CACNA2D1: variants seen among roughly 807,000 people sequenced by gnomAD.
CACNA2D1 encodes the protein calcium voltage-gated channel auxiliary subunit alpha2delta 1.
CACNA2D1 carries 53 observed loss-of-function variants against 171.5 expected under a neutral mutation model. The ratio of observed to expected loss-of-function variants is 0.31; its 90% CI spans 0.25 to 0.39. The LOEUF (loss-of-function observed/expected upper bound fraction) is 0.39. Ranked by LOEUF, CACNA2D1 falls within the 10% of genes least tolerant of loss-of-function variation. The probability of loss-of-function intolerance (pLI) is 1.00; values close to 1 mark genes in which losing one functional copy is unlikely to be tolerated. For synonymous variants in CACNA2D1, 442 were observed against 443.1 expected, an observed-to-expected ratio of 1.00 and a Z score of 0.03; for missense variants, 903 against 1,299.8, an observed-to-expected ratio of 0.69 and a Z score of 4.69.
At chr7:82,243,601 TTA>T (rs1212077380) in intron 3 of CACNA2D1, among the ~76,000 whole-genome samples, 10 of 152,164 alleles carry the variant, frequency 6.6e-5, no homozygotes, top group Admixed American at 1.3e-4. Context: ...TTTACACATA[TTA>T]TCTCTTTTAT....
intron 18 of CACNA2D1, among the ~76,000 whole-genome samples, chr7:82,005,043 T>C (rs1798984195): frequency 6.6e-6 from 1 of 152,056 alleles, no homozygotes. Context: ...AGAAGGGCAA[T>C]AGAAAATGTG....
chr7:81,950,713 C>T (rs948518483), intron 38 of CACNA2D1, among the ~76,000 whole-genome samples: 30 of 152,004 alleles, frequency 2.0e-4, no homozygotes, highest in South Asian at 1.7e-3. Flanking sequence ...TTGACAAATG[C>T]TTTAAATTTT....
chr7:82,130,235 T>C (rs1432643071), intron 5 of CACNA2D1, among the ~76,000 whole-genome samples: 5 of 138,468 alleles, frequency 3.6e-5, no homozygotes, highest in Admixed American at 1.5e-4. Context: ...TGGGAACTTA[T>C]ACTCTTGAGG....
chr7:82,185,127 A>T (rs1296396960), intron 3 of CACNA2D1, among the ~76,000 whole-genome samples: 2 of 152,106 alleles, frequency 1.3e-5, no homozygotes, highest in East Asian at 3.9e-4. Flanking sequence ...AATAGGAGTA[A>T]TTTCTTCTCA....
At chr7:82,269,487 T>C (rs1390802863) in intron 3 of CACNA2D1, among the ~76,000 whole-genome samples, 4 of 152,168 alleles carry the variant, frequency 2.6e-5, no homozygotes, top group African/African-American at 7.2e-5. Context: ...CGAAATTCTC[T>C]AGAATATTCT....
At chr7:81,988,421 G>C (rs1797190284) in intron 21 of CACNA2D1, among the ~76,000 whole-genome samples, 1 of 152,134 alleles carries the variant, frequency 6.6e-6, no homozygotes, top group Non-Finnish European at 1.5e-5. Flanking sequence ...AGCCATTCTG[G>C]TGTTTTGCAA....
chr7:82,392,041 C>A (rs1372446047), intron 1 of CACNA2D1, among the ~76,000 whole-genome samples: 1 of 152,150 alleles, frequency 6.6e-6, no homozygotes, highest in Non-Finnish European at 1.5e-5. Flanking sequence ...AAGCCAAAGA[C>A]ACTTTAAAAC....
intron 3 of CACNA2D1, among the ~76,000 whole-genome samples, chr7:82,265,554 A>G (rs1262351323): frequency 6.6e-6 from 1 of 151,526 alleles, no homozygotes; most frequent in Admixed American, 6.6e-5. Context: ...TGGAGGACTC[A>G]CAGATATATT....
intron 1 of CACNA2D1, among the ~76,000 whole-genome samples, chr7:82,355,701 C>T (rs1317486251): frequency 6.6e-6 from 1 of 152,080 alleles, no homozygotes; most frequent in Non-Finnish European, 1.5e-5. Flanking sequence ...ATATTATTAT[C>T]ATCTGACTCC....
chr7:82,217,086 A>G (rs892028231), intron 3 of CACNA2D1, among the ~76,000 whole-genome samples: 4 of 151,904 alleles, frequency 2.6e-5, no homozygotes, highest in Admixed American at 6.6e-5. Context: ...AACTCCATTA[A>G]CGACAGAAGC....
At chr7:82,253,190 C>A (rs1006188119) in intron 3 of CACNA2D1, among the ~76,000 whole-genome samples, 6 of 152,058 alleles carry the variant, frequency 3.9e-5, no homozygotes, top group African/African-American at 1.4e-4. Context: ...GAATGAGAAA[C>A]CATTACAGAA....
chr7:82,331,958 G>A (rs998276573), intron 3 of CACNA2D1, among the ~76,000 whole-genome samples: 2 of 151,774 alleles, frequency 1.3e-5, no homozygotes, highest in African/African-American at 4.8e-5. Context: ...AATAAAAAAG[G>A]GTATTCTCTC....
Position 81,950,402 on chromosome 7 carries a change from CGG to C in CACNA2D1, c.3264_3265del (p.His1088GlnfsTer7). ...TTGGTTTTTAGAAGGTCATAACAGG[CGG>C]TGTGTGCTGCCAGATACCAGCCAAA... is the stretch of plus-strand genomic sequence containing the variant. On this transcript the variant is annotated frameshift_variant, in exon 39 of 39. Coordinates refer to ENST00000356860, the MANE Select transcript of CACNA2D1 (RefSeq NM_000722.4). LOFTEE classifies it high-confidence loss of function. The C allele has an allele frequency of 6.2e-7, 1 of 1,613,050 alleles. No individual in the cohort carries two copies. The highest frequency in any genetic ancestry group is 8.5e-7 in the Non-Finnish European group (1 of 1,179,468).
At chr7:81,992,295 C>A (rs934446907) in intron 20 of CACNA2D1, among the ~76,000 whole-genome samples, 25 of 152,204 alleles carry the variant, frequency 1.6e-4, no homozygotes, top group African/African-American at 6.0e-4. Context: ...GGAGTATATA[C>A]TTTTATATCC....
intron 1 of CACNA2D1, among the ~76,000 whole-genome samples, chr7:82,402,115 G>T (rs559609296): frequency 1.2e-4 from 19 of 152,252 alleles, no homozygotes; most frequent in African/African-American, 4.3e-4. Flanking sequence ...GATTGCTGGA[G>T]AAATCACAGA....
chr7:82,207,927 T>G (rs1800178668), intron 3 of CACNA2D1, among the ~76,000 whole-genome samples: 1 of 152,194 alleles, frequency 6.6e-6, no homozygotes, highest in African/African-American at 2.4e-5. Flanking sequence ...ACCCTCCCAT[T>G]TCTTCATTAC....
intron 3 of CACNA2D1, among the ~76,000 whole-genome samples, chr7:82,280,608 T>A (rs543065809): frequency 5.9e-5 from 9 of 152,328 alleles, no homozygotes; most frequent in South Asian, 4.1e-4. Flanking sequence ...GATTCTAGAA[T>A]TTTAGCGTTA....
intron 10 of CACNA2D1, 44 bp from the exon 11 acceptor site, chr7:82,038,279 C>A (rs1251883366): frequency 6.6e-7 from 1 of 1,523,636 alleles, no homozygotes; most frequent in East Asian, 2.3e-5. Flanking sequence ...ACATTAAAAT[C>A]AACCATATAG....
At chr7:82,212,903 C>A (rs1563208266) in intron 3 of CACNA2D1, among the ~76,000 whole-genome samples, 1 of 144,106 alleles carries the variant, frequency 6.9e-6, no homozygotes, top group Admixed American at 7.0e-5. Flanking sequence ...TATCCTAGTT[C>A]TTTTTTTTTT....
Sources: gnomAD v4.1 joint callset for allele counts (sites outside exome capture counted in the v4.1 genomes callset) on GRCh38, gnomAD v4.1.1 for gene constraint, MANE v1.5 for transcripts, NCBI Gene and HGNC (gene_info 2026-07-23, HGNC 2026-07-21) for gene names.